The following ZDHHC3 variants were observed in gnomAD, a reference collection of about 807,000 sequenced individuals.
The protein encoded by ZDHHC3 is zDHHC palmitoyltransferase 3.
In ZDHHC3, 9 loss-of-function variants were observed where a neutral mutation model predicts 30.6. The observed-to-expected ratio is 0.29, with a 90% CI of 0.18 to 0.51. The LOEUF is 0.51. ZDHHC3 is among the 20% of genes least tolerant of loss of function. The pLI is 0.97. For missense variants in ZDHHC3, 246 were observed against 384.2 expected, an observed-to-expected ratio of 0.64 and a Z score of 3.01; for synonymous variants, 136 against 140.2, an observed-to-expected ratio of 0.97 and a Z score of 0.21.
intron 2 of ZDHHC3, among the ~76,000 whole-genome samples, chr3:44,946,796 T>G (rs902178243): frequency 6.6e-6 from 1 of 152,150 alleles, no homozygotes; most frequent in Non-Finnish European, 1.5e-5. Context: ...ACTGTGCGTA[T>G]GCAGTGTCAG....
At chr3:44,944,834 A>G (rs970552386) in intron 3 of ZDHHC3, among the ~76,000 whole-genome samples, 1 of 152,220 alleles carries the variant, frequency 6.6e-6, no homozygotes, top group African/African-American at 2.4e-5. Flanking sequence ...CTTGTAATAA[A>G]GCTGTGAGGT....
intron 1 of ZDHHC3, among the ~76,000 whole-genome samples, chr3:44,963,094 T>C (rs1443548539): frequency 6.6e-6 from 1 of 152,198 alleles, no homozygotes; most frequent in African/African-American, 2.4e-5. Context: ...TCTGCTTAGT[T>C]TCAGGACTGT....
intron 2 of ZDHHC3, among the ~76,000 whole-genome samples, chr3:44,946,764 A>C (rs1414326166): frequency 6.6e-6 from 1 of 152,192 alleles, no homozygotes; most frequent in East Asian, 1.9e-4. Context: ...TCTGGGAGAC[A>C]GGGAGAATAT....
At chr3:44,935,034 G>A (rs888802108) in intron 3 of ZDHHC3, among the ~76,000 whole-genome samples, 10 of 151,856 alleles carry the variant, frequency 6.6e-5, no homozygotes, top group African/African-American at 1.9e-4. Context: ...GCACAAACCC[G>A]CTCCCCCTTT....
At position 44,925,356 on chromosome 3, in the gene ZDHHC3, G is replaced by T; in HGVS notation, c.*1333C>A. 1 of 985,840 alleles carries T rather than the reference G, an allele frequency of 1.0e-6. No homozygotes were observed. Among genetic ancestry groups the T allele is most frequent in the Non-Finnish European group, 1.2e-6 (1 of 829,936 alleles). The allele number at this position is 985,840 out of a possible 1,614,324, so 61.1% of individuals were successfully genotyped here. ...CCCCAAGCAAAAGCTAAAAAAGGGG[G>T]TTTCTGGCAATTGCTTAAAAAACAA... On this transcript the variant is annotated 3_prime_UTR_variant, in exon 7 of 7. Coordinates refer to ENST00000424952, the MANE Select transcript of ZDHHC3 (RefSeq NM_001135179.2).
Position 44,923,543 on chromosome 3 carries a change from T to C in ZDHHC3, c.*3146A>G, listed in dbSNP as rs974674363. Reference sequence around the variant, plus strand: ...AGGGCTGGGCCCAGTGGCTCACGCCTGTAATCCCAGGACTTTGGGAGGCTA... The same window carrying C: ...AGGGCTGGGCCCAGTGGCTCACGCCCGTAATCCCAGGACTTTGGGAGGCTA... On this transcript the variant is annotated 3_prime_UTR_variant, in exon 7 of 7. Transcript: ENST00000424952. 2 of 985,238 alleles carry C rather than the reference T, an allele frequency of 2.0e-6. No homozygotes were observed. The highest frequency in any genetic ancestry group is 3.5e-5 in the African/African-American group (2 of 57,230). The allele number at this position is 985,238 out of a possible 1,614,324, so 61.0% of individuals were successfully genotyped here.
intron 2 of ZDHHC3, among the ~76,000 whole-genome samples, chr3:44,956,090 T>C (rs1440261969): frequency 6.6e-6 from 1 of 152,238 alleles, no homozygotes; most frequent in Non-Finnish European, 1.5e-5. Context: ...CTGCATCCAC[T>C]GCAAGGGCCA....
chr3:44,918,498 G>A lies in ZDHHC3; in HGVS notation c.*8191C>T, dbSNP rs1575743464. 1.0e-6 allele frequency: 1 copy of A among 985,266 alleles called. No homozygotes were observed. Among genetic ancestry groups the A allele is most frequent in the Non-Finnish European group, 1.2e-6 (1 of 829,926 alleles). 61.0% of individuals were successfully genotyped at this position (985,266 alleles called of 1,614,324 possible). ...GCTGATGAGTGGCTGAGGCATAAGG[G>A]GGACCACACATCCTCTGAGGCCACT... On this transcript the variant is annotated 3_prime_UTR_variant, in exon 7 of 7. Transcript: ENST00000424952.
intron 4 of ZDHHC3, 42 bp downstream of exon 4, chr3:44,933,846 T>C (rs1454894098): frequency 1.3e-6 from 2 of 1,572,052 alleles, no homozygotes; most frequent in African/African-American, 2.7e-5. Flanking sequence ...AAGTGCTCCA[T>C]TGCTTCATGG....
chr3:44,942,624 C>G lies in ZDHHC3; in HGVS notation c.431+2544G>C, dbSNP rs114874045. 8.4e-3 allele frequency among the ~76,000 whole-genome samples: 1,273 copies of G among 152,298 alleles called. 22 individuals are homozygous for G. The highest frequency in any genetic ancestry group is 0.029 in the African/African-American group (1,213 of 41,554). ...TTAACACCTCCCTGTTCTGGTCCAGCCTTTATAAACCCAGCATATCCCTAA... is the reference window on the plus strand; with the variant it reads ...TTAACACCTCCCTGTTCTGGTCCAGGCTTTATAAACCCAGCATATCCCTAA... On this transcript the variant is annotated intron_variant, in intron 3 of 6. Transcript: ENST00000424952.
chr3:44,964,582 T>C (rs932498914), intron 1 of ZDHHC3, among the ~76,000 whole-genome samples: 2 of 152,172 alleles, frequency 1.3e-5, no homozygotes, highest in Non-Finnish European at 2.9e-5. Flanking sequence ...TGGTGAGCCA[T>C]AAAGTTTCTG....
chr3:44,915,911 T>C lies in ZDHHC3; in HGVS notation c.*10778A>G, dbSNP rs776837275. ...CTAGTGTGAACTCTCTGGTATTCCA[T>C]CCACCATCCTGGCAGCCCAGAGCTG... On this transcript the variant is annotated 3_prime_UTR_variant, in exon 7 of 7. Coordinates refer to ENST00000424952, the MANE Select transcript of ZDHHC3 (RefSeq NM_001135179.2). 6.6e-6 allele frequency: 1 copy of C among 152,164 alleles called. No homozygotes were observed. Among genetic ancestry groups the C allele is most frequent in the Non-Finnish European group, 1.5e-5 (1 of 68,074 alleles). 9.4% of individuals were successfully genotyped at this position (152,164 alleles called of 1,614,324 possible). A position where few individuals can be genotyped will look rare whatever the true frequency, so the allele number is the denominator to read the frequency against.
At position 44,925,023 on chromosome 3, in the gene ZDHHC3, A is replaced by T. The variant is rs1156789055; in HGVS notation, c.*1666T>A. The T allele has an allele frequency of 1.0e-5, 10 of 985,676 alleles. No homozygotes were observed. The highest frequency in any genetic ancestry group is 1.2e-5 in the Non-Finnish European group (10 of 829,944). The allele number at this position is 985,676 out of a possible 1,614,324, so 61.1% of individuals were successfully genotyped here. ...AAGCTGGTTCAAGAGAGGGACCATA[A>T]ATGCATTTTAAAACAAAAAAAATAA... On this transcript the variant is annotated 3_prime_UTR_variant, in exon 7 of 7. Coordinates refer to ENST00000424952, the MANE Select transcript of ZDHHC3 (RefSeq NM_001135179.2).
rs926564702 is a variant in ZDHHC3 at position 44,948,814 on chromosome 3, G to C, written c.307-3522C>G. On this transcript the variant is annotated intron_variant, in intron 2 of 6. Coordinates refer to ENST00000424952, the MANE Select transcript of ZDHHC3 (RefSeq NM_001135179.2). ...TTTGCTGGGCCCCAGCCCTTCCCCT[G>C]CTAAGCCTCTGCTTCTCCTGCCTCA... Among the ~76,000 whole-genome samples the C allele has an allele frequency of 6.6e-5, 10 of 152,230 alleles. No individual in the cohort carries two copies. In the South Asian group the frequency reaches 2.1e-3, roughly 31 times the overall value.
chr3:44,944,563 G>A (rs1473826462), intron 3 of ZDHHC3, among the ~76,000 whole-genome samples: 1 of 152,210 alleles, frequency 6.6e-6, no homozygotes, highest in Non-Finnish European at 1.5e-5. Context: ...GATTACAGGT[G>A]TAAGTCACTG....
chr3:44,922,899 G>A lies in ZDHHC3; in HGVS notation c.*3790C>T. On this transcript the variant is annotated 3_prime_UTR_variant, in exon 7 of 7. Transcript: ENST00000424952. ...TTTTCACATTTCTTTGATATCTAAG[G>A]GCACCTTCTAGGTGGGGCGCCTTCC... 1 of 985,068 alleles carries A rather than the reference G, an allele frequency of 1.0e-6. No homozygotes were observed. Among genetic ancestry groups the A allele is most frequent in the Non-Finnish European group, 1.2e-6 (1 of 829,864 alleles). 61.0% of individuals were successfully genotyped at this position (985,068 alleles called of 1,614,324 possible).
At position 44,918,227 on chromosome 3, in the gene ZDHHC3, C is replaced by A; in HGVS notation, c.*8462G>T. 1 of 1,039,082 alleles carries A rather than the reference C, an allele frequency of 9.6e-7. No homozygotes were observed. The allele number at this position is 1,039,082 out of a possible 1,614,324, so 64.4% of individuals were successfully genotyped here. On this transcript the variant is annotated 3_prime_UTR_variant, in exon 7 of 7. Transcript: ENST00000424952. ...ATAGACACCCCCAGCTATAGCATAG[C>A]AGTGGCGGGGGGGGGGGCGGGGTGT...
At chr3:44,968,048 A>C (rs1705103291) in intron 1 of ZDHHC3, among the ~76,000 whole-genome samples, 1 of 151,914 alleles carries the variant, frequency 6.6e-6, no homozygotes, top group African/African-American at 2.4e-5. Flanking sequence ...CCAAGGTCGC[A>C]TTGAGTGAGG....
In ZDHHC3 at chr3:44,929,369, G is replaced by A. The variant is rs149405044; in HGVS notation, c.678C>T (p.Leu226=). 5 of 1,614,036 alleles carry A rather than the reference G, an allele frequency of 3.1e-6. No individual in the cohort carries two copies. Among genetic ancestry groups the A allele is most frequent in the African/African-American group, 2.7e-5 (2 of 74,928 alleles). The change falls in exon 6 of 7, where the codon CTC becomes CTT. Residue 226 remains leucine (L), a synonymous_variant. Transcript: ENST00000424952. ...ACATCACTGATGTGAAAATGAGGAA[G>A]AGCAGGCCCTCAAAGCACAGCAGGA... ...LLILLCFEGL[L]FLIFTSVMFG...
Sources: gnomAD v4.1 joint callset for allele counts (sites outside exome capture counted in the v4.1 genomes callset) on GRCh38, gnomAD v4.1.1 for gene constraint, MANE v1.5 for transcripts, NCBI Gene and HGNC (gene_info 2026-07-23, HGNC 2026-07-21) for gene names.